The following MED1 variants were observed in gnomAD, a reference collection of about 807,000 sequenced individuals.
MED1 encodes mediator complex subunit 1, also known as mediator of RNA polymerase II transcription subunit 1.
In MED1, 17 loss-of-function variants were observed where a neutral mutation model predicts 121.3. The ratio of observed to expected loss-of-function variants is 0.14; its 90% CI spans 0.10 to 0.21. The LOEUF (loss-of-function observed/expected upper bound fraction) is 0.21, where lower values mean the gene tolerates loss of function less well. MED1 is among the 10% of genes least tolerant of loss of function. The probability of loss-of-function intolerance (pLI) is 1.00; values close to 1 mark genes in which losing one functional copy is unlikely to be tolerated. For synonymous variants in MED1, 661 were observed against 694.4 expected (o/e 0.95, Z 0.76); for missense variants, 1,558 against 1,919.4 (o/e 0.81, Z 3.52).
chr17:39,433,393 A>G (rs2048586185), intron 7 of MED1, among the ~76,000 whole-genome samples: 2 of 151,098 alleles, frequency 1.3e-5, no homozygotes, highest in Non-Finnish European at 2.9e-5. Context: ...AAAAAAAAAC[A>G]TTTTAAAACA....
At chr17:39,431,889 C>A in intron 8 of MED1, 53 bp downstream of exon 8, 4 of 1,306,502 alleles carry the variant, frequency 3.1e-6, no homozygotes, top group Non-Finnish European at 4.4e-6. Flanking sequence ...ACCCTAATCT[C>A]CCCAGAGAAA....
At position 39,409,654 on chromosome 17, in the gene MED1, T is replaced by C. The variant is rs976926122; in HGVS notation, c.2567A>G (p.Asn856Ser). 1.9e-6 allele frequency: 3 copies of C among 1,614,136 alleles called. No individual in the cohort carries two copies. Among genetic ancestry groups the C allele is most frequent in the South Asian group, 1.1e-5 (1 of 91,088 alleles). Residue 856 changes from asparagine to serine, a missense_variant, in exon 17 of 17, where the codon AAT becomes AGT. This residue lies in a region of MED1 where 793 missense variants were observed against 898.2 expected (regional missense o/e 0.88). Transcript: ENST00000300651. The part of the protein sequence containing the change: ...AGSPSSDSPT[N>S]HFFHDGVDFN... ...ATCTACTCCATCATGAAAAAAATGATTGGTAGGAGAGTCACTACTGGGGCT... is the reference window on the plus strand; with the variant it reads ...ATCTACTCCATCATGAAAAAAATGACTGGTAGGAGAGTCACTACTGGGGCT...
At chr17:39,443,708 T>C (rs2048700200) in intron 2 of MED1, 80 bp from the exon 3 acceptor site, 1 of 1,134,770 alleles carries the variant, frequency 8.8e-7, no homozygotes, top group African/African-American at 1.5e-5. Flanking sequence ...ATTATCCTAG[T>C]AGTAATATTG....
intron 1 of MED1, among the ~76,000 whole-genome samples, chr17:39,450,135 A>G (rs184678546): frequency 1.0e-3 from 155 of 151,322 alleles, no homozygotes; most frequent in Non-Finnish European, 2.0e-3. Flanking sequence ...TTTTTTGTAG[A>G]GACAGGGCCT....
intron 13 of MED1, among the ~76,000 whole-genome samples, chr17:39,420,497 G>A (rs542564806): frequency 1.8e-4 from 27 of 152,040 alleles, no homozygotes; most frequent in East Asian, 1.2e-3. Flanking sequence ...AACCACGCCC[G>A]GCTGCAAATT....
In MED1 at chr17:39,405,014, A is replaced by G. The variant is rs749548765; in HGVS notation, c.*2461T>C. The G allele has an allele frequency of 3.2e-5, 17 of 537,204 alleles. No homozygotes were observed. Among genetic ancestry groups the G allele is most frequent in the Admixed American group, 6.6e-5 (2 of 30,096 alleles). The allele number at this position is 537,204 out of a possible 1,614,324, so 33.3% of individuals were successfully genotyped here. ...AGGAATCAGGTCAAACTGAGAATAC[A>G]TAAGACACCAGCAGCAGAAGATAGG... On this transcript the variant is annotated 3_prime_UTR_variant, in exon 17 of 17. Transcript: ENST00000300651.
At chr17:39,425,673 G>C (rs2048507896) in intron 10 of MED1, among the ~76,000 whole-genome samples, 1 of 151,996 alleles carries the variant, frequency 6.6e-6, no homozygotes, top group Non-Finnish European at 1.5e-5. Context: ...GTGGTGACAG[G>C]CGCCTGTAAT....
chr17:39,446,464 A>C (rs1432745245), intron 2 of MED1, among the ~76,000 whole-genome samples: 3 of 149,404 alleles, frequency 2.0e-5, no homozygotes, highest in South Asian at 2.1e-4. Flanking sequence ...AAAAAAAAAA[A>C]AAAACGATTT....
rs750941723 is a variant in MED1 at position 39,409,697 on chromosome 17, T to C, written c.2524A>G (p.Ile842Val). The change falls in exon 17 of 17, where the codon ATT (isoleucine) becomes GTT (valine). Residue 842 changes from isoleucine to valine, a missense_variant. Around this residue, in one of 5 missense-constraint regions of MED1, gnomAD observed 793 missense variants for 898.2 expected, o/e 0.88. Coordinates refer to ENST00000300651, the MANE Select transcript of MED1 (RefSeq NM_004774.4). ...ENPYTDPADL[I>V]ADAAGSPSSD... Reference sequence around the variant, plus strand: ...CTGGGGCTTCCAGCAGCATCTGCAATAAGATCAGCTGGATCAGTGTATGGA... The same window carrying C: ...CTGGGGCTTCCAGCAGCATCTGCAACAAGATCAGCTGGATCAGTGTATGGA... 3 of 1,614,120 alleles carry C rather than the reference T, an allele frequency of 1.9e-6. No individual in the cohort carries two copies. The highest frequency in any genetic ancestry group is 1.7e-6 in the Non-Finnish European group (2 of 1,180,040).
chr17:39,432,996 G>A (rs1039218617), intron 7 of MED1, among the ~76,000 whole-genome samples: 20 of 152,102 alleles, frequency 1.3e-4, no homozygotes, highest in African/African-American at 4.8e-4. Context: ...TCAAGGTCAG[G>A]AGTTCGAGAC....
chr17:39,409,058 C>T lies in MED1; in HGVS notation c.3163G>A (p.Val1055Ile), dbSNP rs1358891035. 6.2e-7 allele frequency: 1 copy of T among 1,614,164 alleles called. No individual in the cohort carries two copies. Among genetic ancestry groups the T allele is most frequent in the East Asian group, 2.2e-5 (1 of 44,888 alleles). The change falls in exon 17 of 17, where the codon GTT becomes ATT. Residue 1055 changes from valine to isoleucine, a missense_variant. Coordinates refer to ENST00000300651, the MANE Select transcript of MED1 (RefSeq NM_004774.4). ...ATTTTGGGAATGGGTGGTGTGGCAA[C>T]ACCTGGGGGAGTCTGAGATCTTCCT... ...SAGRSQTPPG[V>I]ATPPIPKITI...
At chr17:39,450,534 A>G (rs2048772272) in intron 1 of MED1, among the ~76,000 whole-genome samples, 1 of 152,194 alleles carries the variant, frequency 6.6e-6, no homozygotes, top group African/African-American at 2.4e-5. Flanking sequence ...TTCCACAGAA[A>G]AGTTGTTTTT....
intron 16 of MED1, among the ~76,000 whole-genome samples, chr17:39,411,674 G>A (rs1006480391): frequency 6.6e-6 from 1 of 151,378 alleles, no homozygotes; most frequent in African/African-American, 2.4e-5. Context: ...GTAATTACAG[G>A]GATACATAAT....
At chr17:39,427,274 C>A (rs1045555057) in intron 10 of MED1, among the ~76,000 whole-genome samples, 2 of 152,020 alleles carry the variant, frequency 1.3e-5, no homozygotes, top group African/African-American at 4.8e-5. Context: ...CTCCTCCTCC[C>A]GGGTTCAAGC....
At position 39,407,953 on chromosome 17, in the gene MED1, G is replaced by T. The variant is rs1241068557; in HGVS notation, c.4268C>A (p.Pro1423His). 2.5e-6 allele frequency: 4 copies of T among 1,614,048 alleles called. No individual in the cohort carries two copies. The highest frequency in any genetic ancestry group is 3.4e-6 in the Non-Finnish European group (4 of 1,180,022). The change falls in exon 17 of 17, where the codon CCT (proline) becomes CAT (histidine). Residue 1423 changes from proline (P) to histidine (H), a missense_variant. Transcript: ENST00000300651. ...PGESSGEGLRPQMASSKNYGS... is the reference protein window; with the variant it reads ...PGESSGEGLRHQMASSKNYGS... ...ATAGTTTTTAGAAGAAGCCATTTGA[G>T]GCCTAAGCCCTTCTCCACTACTTTC...
intron 9 of MED1, among the ~76,000 whole-genome samples, chr17:39,429,702 T>TAA (rs757034804): frequency 0.036 from 1,762 of 48,644 alleles, 67 homozygotes; most frequent in African/African-American, 0.089. Context: ...CCTAAATGCC[T>TAA]AAAAAAAAAA....
intron 10 of MED1, among the ~76,000 whole-genome samples, chr17:39,425,311 C>T (rs1409470914): frequency 6.6e-6 from 1 of 152,158 alleles, no homozygotes; most frequent in African/African-American, 2.4e-5. Flanking sequence ...ATGCCTCAGC[C>T]TCCCACGTAC....
chr17:39,434,453 CAA>C (rs1352411173), intron 6 of MED1, 133 bp from the exon 7 acceptor site: 7 of 483,612 alleles, frequency 1.4e-5, no homozygotes, highest in Non-Finnish European at 2.6e-5. Context: ...CCATTTTCCT[CAA>C]AAGTTTTCTA....
chr17:39,443,509 G>A (rs142449973), intron 3 of MED1, 41 bp downstream of exon 3: 9 of 1,545,014 alleles, frequency 5.8e-6, no homozygotes, highest in Non-Finnish European at 5.4e-6. Flanking sequence ...CTTGAACTGG[G>A]GGTTTTGTGA....
Sources: allele counts gnomAD v4.1 joint callset (sites outside exome capture counted in the v4.1 genomes callset), GRCh38; gene constraint gnomAD v4.1.1; regional missense constraint gnomAD v4.1.1; transcripts MANE v1.5; gene names NCBI Gene and HGNC (gene_info 2026-07-23, HGNC 2026-07-21).